The following DNAH10 variants were observed in gnomAD, a reference collection of about 807,000 sequenced individuals.
The protein encoded by DNAH10 is axonemal beta dynein heavy chain 10.
A neutral mutation model predicts 506.6 loss-of-function variants in DNAH10; 348 were observed. The observed-to-expected ratio is 0.69, with a 90% confidence interval of 0.63 to 0.75. The LOEUF is 0.75. Ranked by LOEUF, DNAH10 falls within the 30% of genes least tolerant of loss-of-function variation. The pLI, the probability that DNAH10 is intolerant of heterozygous loss-of-function variation, is 0.00. For missense variants in DNAH10, 5,179 were observed against 5,787.1 expected (o/e 0.89, Z 3.41); for synonymous variants, 2,059 against 2,198.6 (o/e 0.94, Z 1.78).
intron 27 of DNAH10, among the ~76,000 whole-genome samples, chr12:123,834,094 C>A (rs1036343273): frequency 1.3e-5 from 2 of 152,148 alleles, no homozygotes; most frequent in African/African-American, 2.4e-5. Flanking sequence ...TGTGATCAGG[C>A]CTCCATCATG....
intron 71 of DNAH10, 54 bp downstream of exon 71, chr12:123,929,538 C>T (rs1451584502): frequency 6.3e-7 from 1 of 1,586,874 alleles, no homozygotes; most frequent in East Asian, 2.3e-5. Flanking sequence ...CCCACTTCCT[C>T]CCGACTTTCC....
chr12:123,800,284 G>A lies in DNAH10; in HGVS notation c.2358G>A (p.Pro786=), dbSNP rs139287499. 316 of 1,613,916 alleles carry A rather than the reference G, an allele frequency of 2.0e-4. No individual in the cohort carries two copies. Among genetic ancestry groups the A allele is most frequent in the Non-Finnish European group, 2.5e-4 (293 of 1,180,012 alleles). ...RGAVFAINFS[P]ALREIINETK... is the part of the protein sequence containing the mutation. The stretch of plus-strand genomic sequence containing the variant: ...CTGTTTTTGCAATCAACTTTTCACC[G>A]GCTCTCAGAGAGATTATTAATGAAA... The change falls in exon 15 of 79, where the codon CCG becomes CCA. Residue 786 remains proline, a synonymous_variant. Coordinates refer to ENST00000673944, the MANE Select transcript of DNAH10 (RefSeq NM_001372106.1).
intron 57 of DNAH10, among the ~76,000 whole-genome samples, chr12:123,905,691 C>G (rs1566079220): frequency 6.6e-6 from 1 of 150,474 alleles, no homozygotes; most frequent in Middle Eastern, 3.4e-3. Flanking sequence ...TTTCTGTGAA[C>G]TTGGTTTGCG....
intron 59 of DNAH10, among the ~76,000 whole-genome samples, chr12:123,912,595 G>A (rs1394392361): frequency 2.0e-5 from 3 of 152,066 alleles, no homozygotes; most frequent in African/African-American, 7.2e-5. Flanking sequence ...ATCCAGAAAT[G>A]TCTCCAGACA....
At chr12:123,854,574 G>A (rs1594203864) in intron 36 of DNAH10, among the ~76,000 whole-genome samples, 1 of 152,124 alleles carries the variant, frequency 6.6e-6, no homozygotes, top group Admixed American at 6.5e-5. Context: ...AATATCCAAG[G>A]ACTTCCGAGA....
rs566673558 is a variant in DNAH10 at position 123,859,909 on chromosome 12, T to C, written c.6749+641T>C. On this transcript the variant is annotated intron_variant, in intron 38 of 78. Coordinates refer to ENST00000673944, the MANE Select transcript of DNAH10 (RefSeq NM_001372106.1). Reference sequence around the variant, plus strand: ...AGCTGGGTGTGGTGATGTGCACCTGTAGTACAGCTACTCAGGAGGCTAAGG... The same window carrying C: ...AGCTGGGTGTGGTGATGTGCACCTGCAGTACAGCTACTCAGGAGGCTAAGG... 3.3e-5 allele frequency among the ~76,000 whole-genome samples: 5 copies of C among 152,002 alleles called. 1 individual carries two copies. The highest frequency in any genetic ancestry group is 1.2e-4 in the African/African-American group (5 of 41,440).
intron 51 of DNAH10, 75 bp downstream of exon 51, chr12:123,881,888 A>G: frequency 7.5e-7 from 1 of 1,324,872 alleles, no homozygotes; most frequent in Non-Finnish European, 9.9e-7. Flanking sequence ...TACATATTGG[A>G]ACAATCCACA....
At chr12:123,765,774 CATCT>C (rs1172495984) in intron 1 of DNAH10, among the ~76,000 whole-genome samples, 9 of 151,072 alleles carry the variant, frequency 6.0e-5, no homozygotes, top group South Asian at 4.2e-4. Context: ...CCTACCTATA[CATCT>C]ATCTATCTCT....
At position 123,902,785 on chromosome 12, in the gene DNAH10, C is replaced by T. The variant is rs922542935; in HGVS notation, c.9641-154C>T. ...ACGCATGGTGAGGTTTTCTGTCCCA[C>T]CAGGATCACTGAGGCTGCCACATTG... On this transcript the variant is annotated intron_variant, in intron 56 of 78. Coordinates refer to ENST00000673944, the MANE Select transcript of DNAH10 (RefSeq NM_001372106.1). The surrounding 1 kb of genome is among the most constrained non-coding windows in gnomAD (Gnocchi z 4.5). Among the ~76,000 whole-genome samples, 10 of 152,210 alleles carry T rather than the reference C, an allele frequency of 6.6e-5. No homozygotes were observed. The highest frequency in any genetic ancestry group is 2.1e-4 in the South Asian group (1 of 4,832).
At position 123,830,547 on chromosome 12, in the gene DNAH10, C is replaced by A. The variant is rs1266332918; in HGVS notation, c.4393C>A (p.His1465Asn). 6.2e-7 allele frequency: 1 copy of A among 1,612,154 alleles called. No individual in the cohort carries two copies. Among genetic ancestry groups the A allele is most frequent in the Admixed American group, 1.7e-5 (1 of 59,762 alleles). Residue 1465 changes from histidine (H) to asparagine (N), a missense_variant and splice_region_variant, in exon 26 of 79, where the codon CAT becomes AAT. His to Asn is a moderately conservative substitution (Grantham distance 68). This residue lies in a region of DNAH10 where 4,844 missense variants were observed against 5,430.5 expected (regional missense o/e 0.89). Transcript: ENST00000673944. ...ATTTGAATGCTGATGTGCTTTCAGGCATTGGAAAGAACTTATGGAAAAAAC... is the reference window on the plus strand; with the variant it reads ...ATTTGAATGCTGATGTGCTTTCAGGAATTGGAAAGAACTTATGGAAAAAAC... ...DLKNEALRDR[H>N]WKELMEKTSV...
chr12:123,765,154 A>C (rs762474966), intron 1 of DNAH10, among the ~76,000 whole-genome samples: 15 of 151,830 alleles, frequency 9.9e-5, no homozygotes, highest in Non-Finnish European at 2.1e-4. Context: ...AATGGAGACA[A>C]GCAGATACTG....
At chr12:123,875,142 T>A in intron 46 of DNAH10, 89 bp from the exon 47 acceptor site, 2 of 1,451,434 alleles carry the variant, frequency 1.4e-6, no homozygotes, top group Non-Finnish European at 1.8e-6. Flanking sequence ...ACGGGAAAAA[T>A]GAGCTTGAGC....
At chr12:123,872,561 A>C (rs1408220940) in intron 45 of DNAH10, among the ~76,000 whole-genome samples, 1 of 152,154 alleles carries the variant, frequency 6.6e-6, no homozygotes, top group Non-Finnish European at 1.5e-5. Context: ...TGGGTGCCCT[A>C]CGTGGAGAGA....
In DNAH10 at chr12:123,838,572, C is replaced by A. The variant is rs372428661; in HGVS notation, c.5019C>A (p.Asn1673Lys). ...TGGAGAAATGCCAGAAAAGCCTCAA[C>A]GACTACTTAGATTCGAAGAGAAATG... ...EGLEKCQKSL[N>K]DYLDSKRNAF... Residue 1673 changes from asparagine to lysine, a missense_variant, in exon 29 of 79, where the codon AAC becomes AAA. Asn to Lys is a moderately conservative substitution (Grantham distance 94). Coordinates refer to ENST00000673944, the MANE Select transcript of DNAH10 (RefSeq NM_001372106.1). 6 of 1,613,916 alleles carry A rather than the reference C, an allele frequency of 3.7e-6. No individual in the cohort carries two copies. The South Asian group carries it at 6.6e-5, about 18-fold the overall frequency.
intron 3 of DNAH10, 139 bp from the exon 4 acceptor site, chr12:123,772,695 T>C (rs758147098): frequency 1.3e-5 from 8 of 628,552 alleles, no homozygotes; most frequent in African/African-American, 5.5e-5. Flanking sequence ...TGGTACCCAC[T>C]GTGTGGCTGT....
intron 11 of DNAH10, among the ~76,000 whole-genome samples, chr12:123,792,775 T>C (rs1280498796): frequency 6.6e-6 from 1 of 152,194 alleles, no homozygotes; most frequent in Non-Finnish European, 1.5e-5. Context: ...TGTTTGCTTT[T>C]TGAGCCTGTT....
intron 6 of DNAH10, among the ~76,000 whole-genome samples, chr12:123,782,901 G>A (rs1957716739): frequency 6.6e-6 from 1 of 152,128 alleles, no homozygotes. Flanking sequence ...TTTTGATCAA[G>A]CTTAACACCG....
At chr12:123,879,038 A>G (rs1316849189) in intron 48 of DNAH10, among the ~76,000 whole-genome samples, 1 of 152,196 alleles carries the variant, frequency 6.6e-6, no homozygotes, top group Admixed American at 6.5e-5. Flanking sequence ...TCTTTCCTAC[A>G]GTAAGATAAG....
At chr12:123,765,043 C>A (rs1956967447) in intron 1 of DNAH10, among the ~76,000 whole-genome samples, 1 of 151,970 alleles carries the variant, frequency 6.6e-6, no homozygotes, top group African/African-American at 2.4e-5. Flanking sequence ...GTTCAGAGGA[C>A]CTGCAGAGAG....
Sources: gnomAD v4.1 joint callset for allele counts (sites outside exome capture counted in the v4.1 genomes callset) on GRCh38, gnomAD v4.1.1 for gene constraint, gnomAD v4.1.1 regional missense constraint, Gnocchi (gnomAD v3.1) non-coding constraint, MANE v1.5 for transcripts, NCBI Gene and HGNC (gene_info 2026-07-23, HGNC 2026-07-21) for gene names.